Variants in SEMA3A observed in about 807,000 individuals in gnomAD.
SEMA3A encodes the protein semaphorin-3A.
In SEMA3A, 29 loss-of-function variants were observed where a neutral mutation model predicts 97.9. The observed-to-expected ratio is 0.30, with a 90% CI of 0.22 to 0.40. The LOEUF is 0.40. Among genes scored for constraint, SEMA3A ranks in the 10% least tolerant of loss-of-function variants. The probability of loss-of-function intolerance (pLI) is 1.00; values close to 1 mark genes in which losing one functional copy is unlikely to be tolerated. For synonymous variants in SEMA3A, 321 were observed against 323.7 expected (o/e 0.99, Z 0.09); for missense variants, 763 against 951.3 (o/e 0.80, Z 2.60).
intron 3 of SEMA3A, among the ~76,000 whole-genome samples, chr7:84,262,656 T>C (rs1799886738): frequency 6.6e-6 from 1 of 152,248 alleles, no homozygotes; most frequent in East Asian, 1.9e-4. Flanking sequence ...TCTACTTCTA[T>C]ATCTGTAAAC....
intron 2 of SEMA3A, among the ~76,000 whole-genome samples, chr7:84,311,222 C>T (rs1281902738): frequency 6.6e-6 from 1 of 151,902 alleles, no homozygotes; most frequent in Non-Finnish European, 1.5e-5. Context: ...AACCTTCTGG[C>T]CAGCTGGGAC....
chr7:84,290,165 T>C (rs1240117725), intron 3 of SEMA3A, among the ~76,000 whole-genome samples: 2 of 152,110 alleles, frequency 1.3e-5, no homozygotes, highest in African/African-American at 2.4e-5. Context: ...CGTTATTAGA[T>C]TGTGATGATA....
chr7:84,390,789 C>T (rs779524880), intron 1 of SEMA3A, among the ~76,000 whole-genome samples: 7 of 152,066 alleles, frequency 4.6e-5, no homozygotes, highest in Non-Finnish European at 7.4e-5. Context: ...TTAACTGAAT[C>T]ATTTTGGGAT....
chr7:84,473,617 G>T (rs981839229), intron 1 of SEMA3A, among the ~76,000 whole-genome samples: 1 of 151,832 alleles, frequency 6.6e-6, no homozygotes, highest in African/African-American at 2.4e-5. Context: ...TCCAACTCCT[G>T]ACCTCTAGTT....
intron 3 of SEMA3A, among the ~76,000 whole-genome samples, chr7:84,266,029 A>AT (rs1372444596): frequency 6.6e-6 from 1 of 151,958 alleles, no homozygotes; most frequent in East Asian, 1.9e-4. Context: ...TTTTCAAACA[A>AT]TTTTTCTAGC....
intron 3 of SEMA3A, among the ~76,000 whole-genome samples, chr7:84,290,720 C>T (rs1223646694): frequency 6.6e-6 from 1 of 152,078 alleles, no homozygotes; most frequent in East Asian, 1.9e-4. Flanking sequence ...TCTATTGCTA[C>T]TGTTGTTTCA....
chr7:84,050,210 T>G (rs1364819416), intron 5 of SEMA3A, among the ~76,000 whole-genome samples: 1 of 152,088 alleles, frequency 6.6e-6, no homozygotes, highest in East Asian at 1.9e-4. Context: ...CATGATTTAT[T>G]GTCCTTTGGG....
chr7:84,157,011 C>T (rs1476707562), intron 1 of SEMA3A, among the ~76,000 whole-genome samples: 1 of 152,062 alleles, frequency 6.6e-6, no homozygotes, highest in Non-Finnish European at 1.5e-5. Context: ...CTTTAAATTC[C>T]TGAAAAATTG....
chr7:84,005,080 T>C (rs1402584019), intron 11 of SEMA3A, among the ~76,000 whole-genome samples: 1 of 152,190 alleles, frequency 6.6e-6, no homozygotes. Context: ...CTCTAGCTTG[T>C]TTTATTGTAG....
chr7:84,165,348 T>G lies in SEMA3A; in HGVS notation c.112+29127A>C, dbSNP rs192820955. On this transcript the variant is annotated intron_variant, in intron 1 of 16. Coordinates refer to ENST00000265362, the MANE Select transcript of SEMA3A (RefSeq NM_006080.3). The stretch of plus-strand genomic sequence containing the variant: ...GAAATTTGGACAACAATATATATTT[T>G]TAGAAATAGCTAAATTAAAAATCAT... Among the ~76,000 whole-genome samples, 408 of 152,310 alleles carry G rather than the reference T, an allele frequency of 2.7e-3. 1 individual carries two copies. Among genetic ancestry groups the G allele is most frequent in the African/African-American group, 9.4e-3 (389 of 41,566 alleles).
chr7:84,242,922 T>G (rs1260432915), intron 3 of SEMA3A, among the ~76,000 whole-genome samples: 1 of 152,216 alleles, frequency 6.6e-6, no homozygotes, highest in East Asian at 1.9e-4. Flanking sequence ...GTTCTCTTTA[T>G]GTGATGGATT....
At chr7:84,405,996 A>G (rs566712617) in intron 1 of SEMA3A, among the ~76,000 whole-genome samples, 54 of 152,314 alleles carry the variant, frequency 3.5e-4, no homozygotes, top group African/African-American at 1.2e-3. Context: ...GAACTAGAGA[A>G]GCAAAAGGAA....
intron 4 of SEMA3A, among the ~76,000 whole-genome samples, chr7:84,086,147 T>G (rs2115822419): frequency 6.6e-6 from 1 of 152,190 alleles, no homozygotes; most frequent in Non-Finnish European, 1.5e-5. Flanking sequence ...GAAAGCCTGC[T>G]GCTGATGTGG....
intron 1 of SEMA3A, among the ~76,000 whole-genome samples, chr7:84,476,863 T>A (rs949793299): frequency 1.3e-5 from 2 of 151,816 alleles, no homozygotes; most frequent in African/African-American, 4.8e-5. Flanking sequence ...CTTAGAGACA[T>A]AACTACGATT....
At chr7:84,224,405 C>T (rs1054335180) in intron 3 of SEMA3A, among the ~76,000 whole-genome samples, 11 of 151,912 alleles carry the variant, frequency 7.2e-5, no homozygotes, top group African/African-American at 2.7e-4. Flanking sequence ...AGATGATCTT[C>T]ACAACTCAAA....
chr7:84,003,234 C>T (rs1162644476), intron 11 of SEMA3A, among the ~76,000 whole-genome samples: 1 of 151,954 alleles, frequency 6.6e-6, no homozygotes, highest in Non-Finnish European at 1.5e-5. Context: ...TTAAGAAGAC[C>T]CTTCTGTATT....
chr7:84,024,442 A>C (rs1791468548), intron 6 of SEMA3A, among the ~76,000 whole-genome samples: 2 of 152,112 alleles, frequency 1.3e-5, no homozygotes, highest in African/African-American at 4.8e-5. Flanking sequence ...GCTATTCGGG[A>C]GGCTGAGGCA....
chr7:84,314,333 G>C (rs910014312), intron 2 of SEMA3A, among the ~76,000 whole-genome samples: 1 of 152,140 alleles, frequency 6.6e-6, no homozygotes, highest in Non-Finnish European at 1.5e-5. Context: ...ATTACAAACA[G>C]ACATCCGTGC....
At position 84,147,371 on chromosome 7, in the gene SEMA3A, T is replaced by C. The variant is rs183716094; in HGVS notation, c.113-12420A>G. Reference sequence around the variant, plus strand: ...TATCACTTCCATCCCAAGATACATTTTGGGGAGGAAAAAAGTCTTCCTTAT... The same window carrying C: ...TATCACTTCCATCCCAAGATACATTCTGGGGAGGAAAAAAGTCTTCCTTAT... On this transcript the variant is annotated intron_variant, in intron 1 of 16. Coordinates refer to ENST00000265362, the MANE Select transcript of SEMA3A (RefSeq NM_006080.3). Among the ~76,000 whole-genome samples the C allele has an allele frequency of 3.3e-3, 503 of 152,290 alleles. 1 individual carries two copies. Among genetic ancestry groups the C allele is most frequent in the African/African-American group, 0.011 (477 of 41,574 alleles).
Sources: allele counts gnomAD v4.1 joint callset (sites outside exome capture counted in the v4.1 genomes callset), GRCh38; gene constraint gnomAD v4.1.1; transcripts MANE v1.5; gene names NCBI Gene and HGNC (gene_info 2026-07-23, HGNC 2026-07-21).